WSCD2: variants seen among roughly 807,000 people sequenced by gnomAD.
WSCD2 encodes WSC domain sialate O sulfotransferase 2, also known as sialate:O-sulfotransferase 2.
WSCD2 carries 28 observed loss-of-function variants against 55.7 expected under a neutral mutation model. The ratio of observed to expected loss-of-function variants is 0.50; its 90% CI spans 0.37 to 0.69. WSCD2 has a LOEUF of 0.69. WSCD2 is among the 30% of genes least tolerant of loss of function. WSCD2 has a pLI of 0.00. For synonymous variants in WSCD2, 301 were observed against 301.9 expected (o/e 1.00, Z 0.03); for missense variants, 616 against 762.1 (o/e 0.81, Z 2.26).
chr12:108,231,346 A>AAGGCAG (rs1406837461), intron 6 of WSCD2, among the ~76,000 whole-genome samples: 39 of 152,306 alleles, frequency 2.6e-4, no homozygotes, highest in African/African-American at 9.4e-4. Flanking sequence ...TGCCTTTGCA[A>AAGGCAG]CTGAGGGAAC....
rs890545910 is a variant in WSCD2 at position 108,248,412 on chromosome 12, G to A, written c.*69G>A. 5 of 1,533,892 alleles carry A rather than the reference G, an allele frequency of 3.3e-6. No homozygotes were observed. Among genetic ancestry groups the A allele is most frequent in the Admixed American group, 2.0e-5 (1 of 50,898 alleles). On this transcript the variant is annotated 3_prime_UTR_variant, in exon 9 of 9. Transcript: ENST00000547525. The surrounding 1 kb of genome is among the most constrained non-coding windows in gnomAD (Gnocchi z 4.3). ...CAGGCCCTGGGGACTCAAGACCCCT[G>A]GTTACCCCCACTCATCTGTCCTCTC... is the stretch of plus-strand genomic sequence containing the variant.
At chr12:108,247,288 A>T (rs1277203222) in intron 8 of WSCD2, among the ~76,000 whole-genome samples, 1 of 150,584 alleles carries the variant, frequency 6.6e-6, no homozygotes, top group African/African-American at 2.4e-5. Context: ...ATATTAATAT[A>T]TTTATTAATA....
intron 4 of WSCD2, among the ~76,000 whole-genome samples, chr12:108,213,138 G>A (rs534203376): frequency 6.6e-6 from 1 of 152,310 alleles, no homozygotes; most frequent in South Asian, 2.1e-4. Context: ...GGTATGGAGA[G>A]GCTCAGTGGT....
Position 108,248,490 on chromosome 12 carries a change from G to T in WSCD2, c.*147G>T. The T allele has an allele frequency of 7.0e-7, 1 of 1,431,698 alleles. No homozygotes were observed. The highest frequency in any genetic ancestry group is 1.4e-5 in the African/African-American group (1 of 69,740). The allele number at this position is 1,431,698 out of a possible 1,614,324, so 88.7% of individuals were successfully genotyped here. Reference sequence around the variant, plus strand: ...GCTCTTTGCCTTCAATGAGTTTCCTGCATGACAGAGGAGGCTCAAGGGAAG... The same window carrying T: ...GCTCTTTGCCTTCAATGAGTTTCCTTCATGACAGAGGAGGCTCAAGGGAAG... On this transcript the variant is annotated 3_prime_UTR_variant, in exon 9 of 9. Transcript: ENST00000547525. This position sits in a 1 kb window ranked among gnomAD's most constrained non-coding sequence, Gnocchi z 4.3.
intron 4 of WSCD2, among the ~76,000 whole-genome samples, chr12:108,217,609 C>T (rs1020020491): frequency 3.3e-5 from 5 of 152,154 alleles, no homozygotes; most frequent in Non-Finnish European, 4.4e-5. Flanking sequence ...ACCTTTCCAC[C>T]GGACATCAGG....
At chr12:108,214,424 C>T (rs113804262) in intron 4 of WSCD2, among the ~76,000 whole-genome samples, 68 of 152,338 alleles carry the variant, frequency 4.5e-4, no homozygotes, top group African/African-American at 1.5e-3. Context: ...CACAGACTCT[C>T]GGGCACGTGG....
At chr12:108,225,731 G>A (rs1888009202) in intron 5 of WSCD2, among the ~76,000 whole-genome samples, 1 of 152,172 alleles carries the variant, frequency 6.6e-6, no homozygotes, top group East Asian at 1.9e-4. Context: ...GGTAGGGGCT[G>A]TGCCTTGTAT....
chr12:108,210,748 A>G lies in WSCD2; in HGVS notation c.682+443A>G, dbSNP rs1886045522. The stretch of plus-strand genomic sequence containing the variant: ...CACAATGACCCTTGACATAGGTACT[A>G]TTATTTACTTATTCCCATTTTACAG... On this transcript the variant is annotated intron_variant, in intron 4 of 8. Transcript: ENST00000547525. This position sits in a 1 kb window ranked among gnomAD's most constrained non-coding sequence, Gnocchi z 4.3. 6.6e-6 allele frequency among the ~76,000 whole-genome samples: 1 copy of G among 152,170 alleles called. No individual in the cohort carries two copies. Among genetic ancestry groups the G allele is most frequent in the African/African-American group, 2.4e-5 (1 of 41,438 alleles).
At chr12:108,240,609 G>T in intron 8 of WSCD2, 65 bp downstream of exon 8, 1 of 1,197,736 alleles carries the variant, frequency 8.3e-7, no homozygotes, top group South Asian at 1.3e-5. Flanking sequence ...CGGTGGGAGG[G>T]TCCCGTGCTC....
chr12:108,244,498 T>A, intron 8 of WSCD2: 1 of 702,958 alleles, frequency 1.4e-6, no homozygotes, highest in South Asian at 1.5e-5. Context: ...AACCAGTATT[T>A]ATTGAGCACC....
intron 1 of WSCD2, among the ~76,000 whole-genome samples, chr12:108,191,741 G>A (rs984268628): frequency 3.3e-5 from 5 of 152,096 alleles, no homozygotes; most frequent in African/African-American, 4.8e-5. Context: ...TCTTCCTCTG[G>A]GCGAGCCCCT....
chr12:108,175,272 G>A (rs1020482245), intron 1 of WSCD2, among the ~76,000 whole-genome samples: 2 of 152,214 alleles, frequency 1.3e-5, no homozygotes, highest in African/African-American at 2.4e-5. Flanking sequence ...CAAAATGTCA[G>A]TAGTGCAGAG....
chr12:108,211,629 CCATATATATATATATATATATA>C (rs916350894), intron 4 of WSCD2, among the ~76,000 whole-genome samples: 17 of 54,886 alleles, frequency 3.1e-4, no homozygotes, highest in Non-Finnish European at 6.5e-4. Context: ...GTTTCAAATC[CCATATATATATATATATATATA>C]CATATATATA....
In WSCD2 at chr12:108,248,362, G is replaced by C; in HGVS notation, c.*19G>C. 1 of 1,597,702 alleles carries C rather than the reference G, an allele frequency of 6.3e-7. No homozygotes were observed. Among genetic ancestry groups the C allele is most frequent in the South Asian group, 1.1e-5 (1 of 89,118 alleles). On this transcript the variant is annotated 3_prime_UTR_variant, in exon 9 of 9. Coordinates refer to ENST00000547525, the MANE Select transcript of WSCD2 (RefSeq NM_014653.4). The surrounding 1 kb of genome is among the most constrained non-coding windows in gnomAD (Gnocchi z 4.3). ...AAGATGATGCGTCCACACAGGGGGA[G>C]GGTAGACTGGGAGTCCTGACCACGC... is the stretch of plus-strand genomic sequence containing the variant.
chr12:108,240,653 A>C, intron 8 of WSCD2, 109 bp downstream of exon 8: 3 of 1,277,188 alleles, frequency 2.3e-6, no homozygotes, highest in Non-Finnish European at 3.2e-6. Flanking sequence ...GCAATGCCTC[A>C]TGCGAGGAAC....
At chr12:108,146,062 C>T (rs1029602679) in intron 1 of WSCD2, among the ~76,000 whole-genome samples, 4 of 152,232 alleles carry the variant, frequency 2.6e-5, no homozygotes, top group Non-Finnish European at 4.4e-5. Flanking sequence ...TCTCAAGGTG[C>T]TGGCAGTGTT....
At chr12:108,130,695 T>C (rs1019581453) in intron 1 of WSCD2, among the ~76,000 whole-genome samples, 2 of 151,950 alleles carry the variant, frequency 1.3e-5, no homozygotes, top group African/African-American at 2.4e-5. Context: ...GGCTGCTCCT[T>C]AGGTGAGCAA....
chr12:108,185,368 C>T (rs1882325924), intron 1 of WSCD2, among the ~76,000 whole-genome samples: 1 of 152,108 alleles, frequency 6.6e-6, no homozygotes, highest in African/African-American at 2.4e-5. Flanking sequence ...GACCTTTTTC[C>T]ACCTCCCAGT....
At chr12:108,135,382 T>C (rs1402161735) in intron 1 of WSCD2, among the ~76,000 whole-genome samples, 1 of 152,236 alleles carries the variant, frequency 6.6e-6, no homozygotes, top group African/African-American at 2.4e-5. Context: ...GTCCAGACTT[T>C]ACCCTTTACT....
Sources: allele counts gnomAD v4.1 joint callset (sites outside exome capture counted in the v4.1 genomes callset), GRCh38; gene constraint gnomAD v4.1.1; non-coding constraint Gnocchi (gnomAD v3.1); transcripts MANE v1.5; gene names NCBI Gene and HGNC (gene_info 2026-07-23, HGNC 2026-07-21).